The following IL1RAPL1 variants were observed in gnomAD, a reference collection of about 807,000 sequenced individuals.
The protein encoded by IL1RAPL1 is interleukin-1 receptor accessory protein-like 1.
In IL1RAPL1, 3 loss-of-function variants were observed where a neutral mutation model predicts 48.4. The observed-to-expected ratio is 0.06, with a 90% CI of 0.03 to 0.16. The LOEUF (loss-of-function observed/expected upper bound fraction) is 0.16, where lower values mean the gene tolerates loss of function less well. Among genes scored for constraint, IL1RAPL1 ranks in the 10% least tolerant of loss-of-function variants. IL1RAPL1 has a pLI of 1.00. For missense variants in IL1RAPL1, 349 were observed against 530.6 expected, an observed-to-expected ratio of 0.66 and a Z score of 3.36; for synonymous variants, 185 against 187.7, an observed-to-expected ratio of 0.99 and a Z score of 0.12.
chrX:29,041,996 C>G (rs758110423), intron 2 of IL1RAPL1, among the ~76,000 whole-genome samples: 1 of 111,663 alleles, frequency 9.0e-6, no homozygotes, highest in South Asian at 3.8e-4. Flanking sequence ...CAATGTCTTC[C>G]TGGGACAGTA....
intron 5 of IL1RAPL1, among the ~76,000 whole-genome samples, chrX:29,442,628 G>A (rs191969907): frequency 2.2e-4 from 25 of 111,938 alleles, no homozygotes; most frequent in African/African-American, 7.8e-4. Context: ...GGCTTAGGCA[G>A]GAAGATTGCT....
chrX:29,026,515 T>A (rs897354489), intron 2 of IL1RAPL1, among the ~76,000 whole-genome samples: 19 of 111,315 alleles, frequency 1.7e-4, no homozygotes, highest in African/African-American at 5.9e-4. Context: ...CAAACCACCA[T>A]GGCACACAAC....
chrX:28,993,348 C>T (rs1022237234), intron 2 of IL1RAPL1, among the ~76,000 whole-genome samples: 2 of 111,559 alleles, frequency 1.8e-5, no homozygotes, highest in South Asian at 3.7e-4. Flanking sequence ...TTAATGCAAG[C>T]GCAATGACCG....
intron 1 of IL1RAPL1, among the ~76,000 whole-genome samples, chrX:28,597,940 G>C (rs942529661): frequency 6.3e-5 from 7 of 110,682 alleles, no homozygotes; most frequent in African/African-American, 2.3e-4. Context: ...TCTTTAATGA[G>C]TACACTGGAT....
intron 6 of IL1RAPL1, among the ~76,000 whole-genome samples, chrX:29,792,235 C>A (rs1929652956): frequency 8.9e-6 from 1 of 111,967 alleles, no homozygotes; most frequent in African/African-American, 3.2e-5. Flanking sequence ...AACTGCCTTG[C>A]AAATAGCAAA....
intron 2 of IL1RAPL1, among the ~76,000 whole-genome samples, chrX:29,266,517 G>A (rs934150369): frequency 4.5e-5 from 5 of 111,428 alleles, no homozygotes; most frequent in Non-Finnish European, 7.5e-5. Context: ...TGCATTTAGG[G>A]TTAACAGATA....
chrX:29,645,573 C>T (rs1925294973), intron 5 of IL1RAPL1, among the ~76,000 whole-genome samples: 1 of 111,223 alleles, frequency 9.0e-6, no homozygotes, highest in African/African-American at 3.3e-5. Flanking sequence ...ACCAACTTGG[C>T]ACCCGAGAGG....
intron 6 of IL1RAPL1, among the ~76,000 whole-genome samples, chrX:29,759,233 G>A (rs1490977065): frequency 8.9e-6 from 1 of 111,966 alleles, no homozygotes; most frequent in African/African-American, 3.2e-5. Flanking sequence ...GGTTATACAC[G>A]TGGTTGTTGT....
intron 6 of IL1RAPL1, among the ~76,000 whole-genome samples, chrX:29,806,918 TA>T (rs1372191092): frequency 9.1e-6 from 1 of 110,063 alleles, no homozygotes; most frequent in Non-Finnish European, 1.9e-5. Flanking sequence ...CTCCTGCACT[TA>T]CTCTTCCTCC....
rs748049308 is a variant in IL1RAPL1, at chrX:29,086,110, A to G, written c.83-196828A>G. Among the ~76,000 whole-genome samples the G allele has an allele frequency of 3.6e-5, 4 of 112,216 alleles. No homozygotes were observed. The East Asian group carries it at 1.1e-3, about 32-fold the overall frequency. ...TTTCCCTCAATAATAAATATTGCTT[A>G]TAGCTTAGTGGGTTGATTTCAGTGC... is the stretch of plus-strand genomic sequence containing the variant. On this transcript the variant is annotated intron_variant, in intron 2 of 10. Coordinates refer to ENST00000378993, the MANE Select transcript of IL1RAPL1 (RefSeq NM_014271.4).
intron 5 of IL1RAPL1, among the ~76,000 whole-genome samples, chrX:29,629,646 G>A (rs750519843): frequency 8.9e-6 from 1 of 112,111 alleles, no homozygotes; most frequent in South Asian, 3.7e-4. Context: ...CTTAATGTTT[G>A]TCTTCTGAAG....
intron 6 of IL1RAPL1, among the ~76,000 whole-genome samples, chrX:29,819,848 C>T (rs1428031653): frequency 2.0e-5 from 2 of 102,128 alleles, no homozygotes; most frequent in Admixed American, 2.3e-4. Flanking sequence ...CATCAAAATA[C>T]CTCATAATTA....
chrX:28,832,198 C>A (rs893136220), intron 2 of IL1RAPL1, among the ~76,000 whole-genome samples: 8 of 110,668 alleles, frequency 7.2e-5, no homozygotes, highest in Non-Finnish European at 1.9e-5. Context: ...GGAACTTATT[C>A]CTCCTATATC....
At chrX:29,584,194 C>T (rs5927842) in intron 5 of IL1RAPL1, among the ~76,000 whole-genome samples, 33,060 of 109,982 alleles carry the variant, frequency 0.3, 3,722 homozygotes, top group South Asian at 0.46. Flanking sequence ...TATCACTGCT[C>T]CAAGGTGGCT....
intron 5 of IL1RAPL1, among the ~76,000 whole-genome samples, chrX:29,472,867 C>T (rs759009682): frequency 1.8e-5 from 2 of 112,079 alleles, no homozygotes; most frequent in South Asian, 3.7e-4. Context: ...TTTCCCTCTG[C>T]CTCATCTCCC....
At chrX:29,731,423 A>G (rs1277406793) in intron 6 of IL1RAPL1, among the ~76,000 whole-genome samples, 1 of 112,097 alleles carries the variant, frequency 8.9e-6, no homozygotes, top group Non-Finnish European at 1.9e-5. Context: ...TAGTTTGGGC[A>G]TGCGTCAAAG....
intron 6 of IL1RAPL1, among the ~76,000 whole-genome samples, chrX:29,682,038 T>C (rs1335280965): frequency 1.8e-5 from 2 of 111,926 alleles, no homozygotes; most frequent in Non-Finnish European, 3.8e-5. Flanking sequence ...TATGCATATA[T>C]CAAAATATCA....
chrX:28,760,954 C>T (rs1264161729), intron 1 of IL1RAPL1, among the ~76,000 whole-genome samples: 23 of 109,130 alleles, frequency 2.1e-4, no homozygotes, highest in Non-Finnish European at 7.6e-5. Context: ...GGCATGGTGG[C>T]GTGCGGTTAT....
In IL1RAPL1 at chrX:29,033,343, CAG is replaced by C. The variant is rs1385720109; in HGVS notation, c.82+243920_82+243921del. Among the ~76,000 whole-genome samples, 9 of 110,873 alleles carry C rather than the reference CAG, an allele frequency of 8.1e-5. No homozygotes were observed. In the South Asian group the frequency reaches 3.0e-3, roughly 37 times the overall value. ...TTCACAAAAAAATATTGTCAGAACACAGAAGAGAAAAAAATTTTATTTGAGAC... is the reference window on the plus strand; with the variant it reads ...TTCACAAAAAAATATTGTCAGAACACAAGAGAAAAAAATTTTATTTGAGAC... On this transcript the variant is annotated intron_variant, in intron 2 of 10. Coordinates refer to ENST00000378993, the MANE Select transcript of IL1RAPL1 (RefSeq NM_014271.4).
Sources: allele counts gnomAD v4.1 joint callset (sites outside exome capture counted in the v4.1 genomes callset), GRCh38; gene constraint gnomAD v4.1.1; transcripts MANE v1.5; gene names NCBI Gene and HGNC (gene_info 2026-07-23, HGNC 2026-07-21).